The following TMEM214 variants were observed in gnomAD, a reference collection of about 807,000 sequenced individuals.
TMEM214 encodes the protein transmembrane protein 214.
A neutral mutation model predicts 89.8 loss-of-function variants in TMEM214; 71 were observed. The observed-to-expected ratio is 0.79, with a 90% CI of 0.65 to 0.96. The LOEUF is 0.96. Among genes scored for constraint, TMEM214 ranks in the 40% least tolerant of loss-of-function variants. The pLI is 0.00. For missense variants in TMEM214, 754 were observed against 843.4 expected, an observed-to-expected ratio of 0.89 and a Z score of 1.31; for synonymous variants, 332 against 349.5, an observed-to-expected ratio of 0.95 and a Z score of 0.56.
intron 8 of TMEM214, 64 bp downstream of exon 8, chr2:27,037,242 T>G: frequency 7.7e-7 from 1 of 1,295,764 alleles, no homozygotes; most frequent in Non-Finnish European, 1.1e-6. Context: ...CACTACATAT[T>G]CCCGTCTCTC....
Position 27,040,248 on chromosome 2 carries a change from G to A in TMEM214, c.1791+50G>A, listed in dbSNP as rs760762020. 7 of 1,605,818 alleles carry A rather than the reference G, an allele frequency of 4.4e-6. No homozygotes were observed. The African/African-American group carries it at 8.0e-5, about 18-fold the overall frequency. On this transcript the variant is annotated intron_variant, in intron 15 of 16. Transcript: ENST00000238788. ...TAAGGGGCTGGTTTTCCCAGGAGCA[G>A]AATTCTGGGAAAGGAGCAGCACTGT...
chr2:27,037,419 T>G, intron 8 of TMEM214, 142 bp from the exon 9 acceptor site: 1 of 1,098,092 alleles, frequency 9.1e-7, no homozygotes, highest in Non-Finnish European at 1.3e-6. Context: ...AAGGAGTCTC[T>G]GAGTAAAAAG....
intron 16 of TMEM214, 101 bp downstream of exon 16, chr2:27,040,597 C>T: frequency 6.3e-7 from 1 of 1,583,442 alleles, no homozygotes; most frequent in Admixed American, 1.7e-5. Context: ...TGTCCTGCCC[C>T]TCGCTCCCAT....
chr2:27,040,767 C>G lies in TMEM214; in HGVS notation c.2000C>G (p.Thr667Ser). ...CAGCTCAGTGAGGCTGTCCACTGGA[C>G]CTGGCTTTGCCTACAGGACATTACA... ...KTQLSEAVHW[T>S]WLCLQDITVA... The change falls in exon 17 of 17, where the codon ACC becomes AGC. Residue 667 changes from threonine (T) to serine (S), a missense_variant. Transcript: ENST00000238788. The G allele has an allele frequency of 6.2e-7, 1 of 1,614,202 alleles. No homozygotes were observed.
At chr2:27,035,568 C>G in intron 3 of TMEM214, 26 bp from the exon 4 acceptor site, 1 of 1,613,542 alleles carries the variant, frequency 6.2e-7, no homozygotes, top group Non-Finnish European at 8.5e-7. Context: ...GGTCCTAGCA[C>G]TCACATTGAG....
Position 27,038,122 on chromosome 2 carries a change from C to G in TMEM214, c.1153-24C>G, listed in dbSNP as rs376922974. On this transcript the variant is annotated intron_variant, in intron 9 of 16. Coordinates refer to ENST00000238788, the MANE Select transcript of TMEM214 (RefSeq NM_017727.5). This position sits in a 1 kb window ranked among gnomAD's most constrained non-coding sequence, Gnocchi z 4.4. ...CTGCCAGCCCCATGCCCCCAGCAGC[C>G]TCTCCCTCTGTCGTGCTGTGCAGCT... The G allele has an allele frequency of 6.2e-7, 1 of 1,614,010 alleles. No individual in the cohort carries two copies. Among genetic ancestry groups the G allele is most frequent in the Non-Finnish European group, 8.5e-7 (1 of 1,179,974 alleles).
Position 27,038,445 on chromosome 2 carries a change from C to G in TMEM214, c.1245-39C>G, listed in dbSNP as rs1369180775. 1.2e-6 allele frequency: 2 copies of G among 1,612,020 alleles called. No homozygotes were observed. Among genetic ancestry groups the G allele is most frequent in the African/African-American group, 2.7e-5 (2 of 74,874 alleles). ...GAGGACAGGAGGATGGGTGAGGCTG[C>G]GCGAGCCACCTGACTAGGGGGTTGT... On this transcript the variant is annotated intron_variant, in intron 10 of 16. Transcript: ENST00000238788. This position sits in a 1 kb window ranked among gnomAD's most constrained non-coding sequence, Gnocchi z 4.4.
intron 1 of TMEM214, 150 bp downstream of exon 1, chr2:27,033,316 C>A: frequency 1.2e-6 from 1 of 804,444 alleles, no homozygotes; most frequent in Non-Finnish European, 1.7e-6. Flanking sequence ...AGGCAGACAG[C>A]TCCAGGGAAG....
chr2:27,038,128 C>G lies in TMEM214; in HGVS notation c.1153-18C>G, dbSNP rs1018501228. On this transcript the variant is annotated intron_variant, in intron 9 of 16. Coordinates refer to ENST00000238788, the MANE Select transcript of TMEM214 (RefSeq NM_017727.5). The surrounding 1 kb of genome is among the most constrained non-coding windows in gnomAD (Gnocchi z 4.4). ...GCCCCATGCCCCCAGCAGCCTCTCC[C>G]TCTGTCGTGCTGTGCAGCTCCTGAG... 2.5e-6 allele frequency: 4 copies of G among 1,614,064 alleles called. No individual in the cohort carries two copies. Among genetic ancestry groups the G allele is most frequent in the Non-Finnish European group, 3.4e-6 (4 of 1,180,038 alleles).
At chr2:27,035,469 G>T in intron 3 of TMEM214, 125 bp from the exon 4 acceptor site, 1 of 1,463,044 alleles carries the variant, frequency 6.8e-7, no homozygotes, top group Middle Eastern at 2.5e-4. Flanking sequence ...CCTCCTCAGA[G>T]GAAGGATCCC....
chr2:27,038,673 C>G lies in TMEM214; in HGVS notation c.1294-29C>G. ...AAGCAGGATGGAAGCTCTGGATTCC[C>G]TCACAGGCCAGACCTTTCTTGTCCA... is the stretch of plus-strand genomic sequence containing the variant. On this transcript the variant is annotated intron_variant, in intron 11 of 16. Coordinates refer to ENST00000238788, the MANE Select transcript of TMEM214 (RefSeq NM_017727.5). The surrounding 1 kb of genome is among the most constrained non-coding windows in gnomAD (Gnocchi z 4.4). The G allele has an allele frequency of 1.2e-6, 2 of 1,609,010 alleles. No individual in the cohort carries two copies. Among genetic ancestry groups the G allele is most frequent in the Non-Finnish European group, 1.7e-6 (2 of 1,176,002 alleles).
At position 27,038,872 on chromosome 2, in the gene TMEM214, C is replaced by A; in HGVS notation, c.1407+57C>A. ...GCTATCTTACATCTCTGTCTCAGCA[C>A]ACCTGGGTTGGGCCTGTATCACATT... is the stretch of plus-strand genomic sequence containing the variant. On this transcript the variant is annotated intron_variant, in intron 12 of 16. Coordinates refer to ENST00000238788, the MANE Select transcript of TMEM214 (RefSeq NM_017727.5). The surrounding 1 kb of genome is among the most constrained non-coding windows in gnomAD (Gnocchi z 4.4). 1 of 1,533,018 alleles carries A rather than the reference C, an allele frequency of 6.5e-7. No individual in the cohort carries two copies. Among genetic ancestry groups the A allele is most frequent in the South Asian group, 1.1e-5 (1 of 88,042 alleles). The allele number at this position is 1,533,018 out of a possible 1,614,324, so 95.0% of individuals were successfully genotyped here. A position where few individuals can be genotyped will look rare whatever the true frequency, so the allele number is the denominator to read the frequency against.
rs1667670327 is a variant in TMEM214 at position 27,038,493 on chromosome 2, G to A, written c.1254G>A (p.Leu418=). ...TGTGCTTTCCCCACAGCCTTCTGCT[G>A]GAGCACTTGCTCAGCTCCTGGGAGC... ...PKHLSQSSLL[L]EHLLSSWEQI... The change falls in exon 11 of 17, where the codon CTG becomes CTA. Residue 418 remains leucine (L), a synonymous_variant. Coordinates refer to ENST00000238788, the MANE Select transcript of TMEM214 (RefSeq NM_017727.5). This position sits in a 1 kb window ranked among gnomAD's most constrained non-coding sequence, Gnocchi z 4.4. 1 of 1,613,966 alleles carries A rather than the reference G, an allele frequency of 6.2e-7. No individual in the cohort carries two copies. The highest frequency in any genetic ancestry group is 1.3e-5 in the African/African-American group (1 of 74,924).
intron 2 of TMEM214, 24 bp from the exon 3 acceptor site, chr2:27,035,111 G>A (rs1171117991): frequency 6.2e-7 from 1 of 1,612,546 alleles, no homozygotes; most frequent in Non-Finnish European, 8.5e-7. Context: ...CCATGGTGGG[G>A]GGTTGGGGGA....
Position 27,036,475 on chromosome 2 carries a change from C to G in TMEM214, c.721-12C>G. On this transcript the variant is annotated splice_polypyrimidine_tract_variant and intron_variant, in intron 5 of 16. Coordinates refer to ENST00000238788, the MANE Select transcript of TMEM214 (RefSeq NM_017727.5). ...TCCTATCCCAATCTGCCTTCCCCAC[C>G]GGTCTCCTCAGTTCCTGGAACTGCT... The G allele has an allele frequency of 6.2e-7, 1 of 1,610,280 alleles. No individual in the cohort carries two copies.
At position 27,034,100 on chromosome 2, in the gene TMEM214, G is replaced by C; in HGVS notation, c.185G>C (p.Arg62Pro). 3 of 1,614,108 alleles carry C rather than the reference G, an allele frequency of 1.9e-6. No homozygotes were observed. The highest frequency in any genetic ancestry group is 1.7e-6 in the Non-Finnish European group (2 of 1,180,014). ...CAGACCACAAGCACCCTTTATGAGC[G>C]GGGCTTTGAGAATATCATGAAGCGG... ...AIQTTSTLYE[R>P]GFENIMKRQN... The change falls in exon 2 of 17, where the codon CGG becomes CCG. Residue 62 changes from arginine (R) to proline (P), a missense_variant. Physicochemically the swap from Arg to Pro is moderately radical, Grantham distance 103. Transcript: ENST00000238788.
In TMEM214 at chr2:27,038,459, C is replaced by G; in HGVS notation, c.1245-25C>G. On this transcript the variant is annotated intron_variant, in intron 10 of 16. Coordinates refer to ENST00000238788, the MANE Select transcript of TMEM214 (RefSeq NM_017727.5). This position sits in a 1 kb window ranked among gnomAD's most constrained non-coding sequence, Gnocchi z 4.4. Reference sequence around the variant, plus strand: ...GGGTGAGGCTGCGCGAGCCACCTGACTAGGGGGTTGTGCTTTCCCCACAGC... The same window carrying G: ...GGGTGAGGCTGCGCGAGCCACCTGAGTAGGGGGTTGTGCTTTCCCCACAGC... The G allele has an allele frequency of 6.2e-7, 1 of 1,613,528 alleles. No homozygotes were observed. Among genetic ancestry groups the G allele is most frequent in the Non-Finnish European group, 8.5e-7 (1 of 1,179,868 alleles).
rs770262227 is a variant in TMEM214, at chr2:27,038,042, C to T, written c.1153-104C>T. 12 of 1,610,062 alleles carry T rather than the reference C, an allele frequency of 7.5e-6. No homozygotes were observed. The highest frequency in any genetic ancestry group is 2.2e-5 in the East Asian group (1 of 44,744). On this transcript the variant is annotated intron_variant, in intron 9 of 16. Transcript: ENST00000238788. This position sits in a 1 kb window ranked among gnomAD's most constrained non-coding sequence, Gnocchi z 4.4. Reference sequence around the variant, plus strand: ...TTCTCCACCCCTTAGGGTGGATGTGCGGCCTGGATGGCCTTGCTTACGGGA... The same window carrying T: ...TTCTCCACCCCTTAGGGTGGATGTGTGGCCTGGATGGCCTTGCTTACGGGA...
chr2:27,036,186 C>T (rs1667550406), intron 5 of TMEM214, 134 bp downstream of exon 5: 3 of 765,250 alleles, frequency 3.9e-6, no homozygotes, highest in Non-Finnish European at 6.7e-6. Flanking sequence ...ACTATTAGCA[C>T]CTATCCTGTG....
Sources: gnomAD v4.1 joint callset for allele counts on GRCh38, gnomAD v4.1.1 for gene constraint, Gnocchi (gnomAD v3.1) non-coding constraint, MANE v1.5 for transcripts, NCBI Gene and HGNC (gene_info 2026-07-23, HGNC 2026-07-21) for gene names.